The following CCDC192 variants were observed in gnomAD, a reference collection of about 807,000 sequenced individuals.
The protein encoded by CCDC192 is coiled-coil domain-containing protein 192.
At chr5:127,930,609 C>T (rs1305874841) in intron 6 of CCDC192, among the ~76,000 whole-genome samples, 1 of 152,200 alleles carries the variant, frequency 6.6e-6, no homozygotes, top group Non-Finnish European at 1.5e-5. Context: ...AACTCAGGTA[C>T]ATGGTTATGC....
chr5:127,718,773 A>C (rs184267770), intron 2 of CCDC192, among the ~76,000 whole-genome samples: 1 of 152,310 alleles, frequency 6.6e-6, no homozygotes, highest in East Asian at 1.9e-4. Flanking sequence ...TTATGGGTAC[A>C]CAGTGGTGTG....
At position 127,752,676 on chromosome 5, in the gene CCDC192, G is replaced by T. The variant is rs550833649; in HGVS notation, c.115-1592G>T. The stretch of plus-strand genomic sequence containing the variant: ...CTTCCGGGCTGCTTTGTTTACCTAA[G>T]CAAGCCTGGGCAATGGCGGGCGCCC... On this transcript the variant is annotated intron_variant, in intron 2 of 6. Coordinates refer to ENST00000514853, the MANE Select transcript of CCDC192 (RefSeq NM_001317938.2). Among the ~76,000 whole-genome samples the T allele has an allele frequency of 2.9e-3, 436 of 152,316 alleles. 1 individual carries two copies. Among genetic ancestry groups the T allele is most frequent in the African/African-American group, 7.6e-3 (317 of 41,578 alleles).
rs531744468 is a variant in CCDC192 at position 127,787,369 on chromosome 5, C to T, written c.223-9734C>T. 8.5e-5 allele frequency among the ~76,000 whole-genome samples: 13 copies of T among 152,296 alleles called. 1 individual carries two copies. In the South Asian group the frequency reaches 2.5e-3, roughly 29 times the overall value. On this transcript the variant is annotated intron_variant, in intron 3 of 6. Transcript: ENST00000514853. ...TGGCACCTACCTCCTCCTCACCTGCCAGCCCAGGCCTCCTCCTCCTGCTGC... is the reference window on the plus strand; with the variant it reads ...TGGCACCTACCTCCTCCTCACCTGCTAGCCCAGGCCTCCTCCTCCTGCTGC...
At chr5:127,924,537 G>GTT (rs1753814384) in intron 6 of CCDC192, among the ~76,000 whole-genome samples, 2 of 152,158 alleles carry the variant, frequency 1.3e-5, no homozygotes, top group African/African-American at 4.8e-5. Flanking sequence ...TTTAAAGCCA[G>GTT]GAATATTCCA....
intron 2 of CCDC192, among the ~76,000 whole-genome samples, chr5:127,726,780 C>A (rs1752347641): frequency 6.6e-6 from 1 of 152,190 alleles, no homozygotes; most frequent in South Asian, 2.1e-4. Flanking sequence ...TGGGATGAAA[C>A]CCTGGGGTAA....
chr5:127,775,276 A>G (rs1489709789), intron 3 of CCDC192, among the ~76,000 whole-genome samples: 1 of 152,222 alleles, frequency 6.6e-6, no homozygotes, highest in East Asian at 1.9e-4. Flanking sequence ...TCAGGGCCAC[A>G]GTTCTTCTGC....
At chr5:127,866,022 A>G (rs2127115522) in intron 5 of CCDC192, among the ~76,000 whole-genome samples, 1 of 152,214 alleles carries the variant, frequency 6.6e-6, no homozygotes, top group East Asian at 1.9e-4. Flanking sequence ...GAAAATCAAG[A>G]ACAGAGAGCT....
chr5:127,765,142 GA>G (rs1755146382), intron 3 of CCDC192, among the ~76,000 whole-genome samples: 1 of 152,150 alleles, frequency 6.6e-6, no homozygotes, highest in African/African-American at 2.4e-5. Context: ...AAAGTTAAAA[GA>G]TTTGGATAAT....
chr5:127,809,257 C>A (rs1033193707), intron 5 of CCDC192, among the ~76,000 whole-genome samples: 1 of 151,834 alleles, frequency 6.6e-6, no homozygotes, highest in Admixed American at 6.6e-5. Flanking sequence ...TTAAAAAGCA[C>A]TTAAAGAGCC....
chr5:127,729,144 T>G (rs970105885), intron 2 of CCDC192, among the ~76,000 whole-genome samples: 1 of 152,082 alleles, frequency 6.6e-6, no homozygotes. Flanking sequence ...TGACCTCAGA[T>G]GATCAGCCCA....
At chr5:127,869,297 C>A (rs1224975596) in intron 5 of CCDC192, among the ~76,000 whole-genome samples, 1 of 152,064 alleles carries the variant, frequency 6.6e-6, no homozygotes, top group African/African-American at 2.4e-5. Context: ...GCGTTCCACC[C>A]TGGGCAATAA....
At chr5:127,723,924 A>G (rs1752164257) in intron 2 of CCDC192, among the ~76,000 whole-genome samples, 1 of 152,366 alleles carries the variant, frequency 6.6e-6, no homozygotes, top group South Asian at 2.1e-4. Flanking sequence ...ATCAGAGTCC[A>G]TTGGTTATTT....
intron 3 of CCDC192, among the ~76,000 whole-genome samples, chr5:127,780,206 C>A (rs1276723845): frequency 6.6e-6 from 1 of 152,086 alleles, no homozygotes; most frequent in African/African-American, 2.4e-5. Flanking sequence ...TTTATCCACT[C>A]ATTGATTGAT....
chr5:127,797,955 A>T (rs1413431116), intron 4 of CCDC192, among the ~76,000 whole-genome samples, 151 bp from the exon 5 acceptor site: 4 of 151,376 alleles, frequency 2.6e-5, no homozygotes, highest in African/African-American at 9.7e-5. Context: ...GAATGGGGGG[A>T]TGATTTCTCC....
intron 3 of CCDC192, among the ~76,000 whole-genome samples, chr5:127,773,274 A>G (rs1361026597): frequency 6.6e-6 from 1 of 152,194 alleles, no homozygotes; most frequent in Non-Finnish European, 1.5e-5. Flanking sequence ...TCTATTTTTA[A>G]TGGAGGTAAA....
chr5:127,731,599 T>G (rs1424533423), intron 2 of CCDC192, among the ~76,000 whole-genome samples: 3 of 152,202 alleles, frequency 2.0e-5, no homozygotes, highest in African/African-American at 7.2e-5. Flanking sequence ...GGCATTATGC[T>G]ACCTGATTTT....
intron 2 of CCDC192, among the ~76,000 whole-genome samples, chr5:127,746,961 T>C (rs1433129582): frequency 1.3e-5 from 2 of 152,114 alleles, no homozygotes; most frequent in Non-Finnish European, 2.9e-5. Flanking sequence ...GATGGCTCTA[T>C]TGTATCATCA....
chr5:127,705,126 C>G (rs1381202027), intron 1 of CCDC192, among the ~76,000 whole-genome samples: 3 of 152,102 alleles, frequency 2.0e-5, no homozygotes, highest in African/African-American at 7.2e-5. Flanking sequence ...ACTTTATAAA[C>G]ATATTTGTTA....
chr5:127,894,755 T>G (rs759587334), intron 6 of CCDC192, among the ~76,000 whole-genome samples: 2 of 152,240 alleles, frequency 1.3e-5, no homozygotes, highest in African/African-American at 4.8e-5. Context: ...GTAAGAAATC[T>G]GTAAGATTTT....
Sources: gnomAD v4.1 joint callset for allele counts (sites outside exome capture counted in the v4.1 genomes callset) on GRCh38, gnomAD v4.1.1 for gene constraint, MANE v1.5 for transcripts, NCBI Gene and HGNC (gene_info 2026-07-23, HGNC 2026-07-21) for gene names.